Variants in DNAH9 observed in about 807,000 individuals in gnomAD.
DNAH9 encodes the protein DNAH9 variant protein.
DNAH9 carries 345 observed loss-of-function variants against 471.6 expected under a neutral mutation model. The ratio of observed to expected loss-of-function variants is 0.73; its 90% CI spans 0.67 to 0.80. DNAH9 has a LOEUF of 0.80. DNAH9 is among the 30% of genes least tolerant of loss of function. The pLI, the probability that DNAH9 is intolerant of heterozygous loss-of-function variation, is 0.00. For synonymous variants in DNAH9, 2,093 were observed against 2,123.6 expected (o/e 0.99, Z 0.40); for missense variants, 5,407 against 5,609.2 (o/e 0.96, Z 1.15).
chr17:11,828,250 GA>G (rs1408977234), intron 48 of DNAH9, among the ~76,000 whole-genome samples: 1 of 151,918 alleles, frequency 6.6e-6, no homozygotes, highest in East Asian at 2.0e-4. Flanking sequence ...GAGGCGGGTG[GA>G]TCACCTGAGG....
chr17:11,620,747 G>A (rs1466282607), intron 6 of DNAH9, among the ~76,000 whole-genome samples: 1 of 151,996 alleles, frequency 6.6e-6, no homozygotes, highest in East Asian at 1.9e-4. Flanking sequence ...ACCTTGGCTG[G>A]GCTATAACCA....
At chr17:11,942,896 C>CTTTTTTTTT (rs71142257) in intron 67 of DNAH9, among the ~76,000 whole-genome samples, 1 of 127,914 alleles carries the variant, frequency 7.8e-6, no homozygotes, top group African/African-American at 3.0e-5. Flanking sequence ...CTTGTTTTTT[C>CTTTTTTTTT]TTTTTTTTTT....
intron 45 of DNAH9, 98 bp downstream of exon 45, chr17:11,810,467 C>T: frequency 2.1e-6 from 3 of 1,463,382 alleles, no homozygotes; most frequent in Non-Finnish European, 2.7e-6. Flanking sequence ...AGAGTAAGGT[C>T]ATAGTAATGA....
At chr17:11,664,632 AT>A (rs1363477661) in intron 14 of DNAH9, among the ~76,000 whole-genome samples, 200 bp from the exon 15 acceptor site, 2 of 152,156 alleles carry the variant, frequency 1.3e-5, no homozygotes, top group Admixed American at 6.5e-5. Flanking sequence ...TGTCCCCTAT[AT>A]TACCGTCATG....
intron 43 of DNAH9, among the ~76,000 whole-genome samples, chr17:11,799,700 C>T (rs1455530760): frequency 6.6e-6 from 1 of 152,222 alleles, no homozygotes; most frequent in East Asian, 1.9e-4. Flanking sequence ...CATTCTGCCT[C>T]AGCCTCTGAA....
chr17:11,967,200 G>A (rs1362138478), intron 68 of DNAH9, among the ~76,000 whole-genome samples: 1 of 151,796 alleles, frequency 6.6e-6, no homozygotes, highest in Non-Finnish European at 1.5e-5. Context: ...TCAACTTCCT[G>A]GGCTCAAGCA....
rs112537559 is a variant in DNAH9, at chr17:11,609,853, G to A, written c.615-543G>A. 4.9e-3 allele frequency among the ~76,000 whole-genome samples: 741 copies of A among 152,332 alleles called. 8 individuals carry two copies. Among genetic ancestry groups the A allele is most frequent in the African/African-American group, 0.017 (697 of 41,572 alleles). On this transcript the variant is annotated intron_variant, in intron 2 of 68. Transcript: ENST00000262442. The stretch of plus-strand genomic sequence containing the variant: ...TCAGGTGGCTGATTATTAGCCTTGT[G>A]AAGGAGGAAATAAACTATTTCCTCT...
At chr17:11,715,295 C>T (rs149533089) in intron 26 of DNAH9, among the ~76,000 whole-genome samples, 16 of 152,306 alleles carry the variant, frequency 1.1e-4, no homozygotes, top group Admixed American at 1.0e-3. Flanking sequence ...TATCTTGTCT[C>T]ATAGTATCCT....
chr17:11,627,379 A>G (rs1010717492), intron 6 of DNAH9, among the ~76,000 whole-genome samples: 1 of 152,202 alleles, frequency 6.6e-6, no homozygotes, highest in African/African-American at 2.4e-5. Context: ...TTCTGATGTA[A>G]TCAAACATAT....
At chr17:11,692,863 TTAAG>T (rs1008963897) in intron 20 of DNAH9, among the ~76,000 whole-genome samples, 3 of 152,208 alleles carry the variant, frequency 2.0e-5, no homozygotes, top group African/African-American at 7.2e-5. Flanking sequence ...GAAAATATAC[TTAAG>T]TATTTTATTT....
At chr17:11,859,604 G>A (rs951408850) in intron 50 of DNAH9, among the ~76,000 whole-genome samples, 1 of 152,036 alleles carries the variant, frequency 6.6e-6, no homozygotes, top group South Asian at 2.1e-4. Context: ...GAGTTTAATC[G>A]GCTCACAGTT....
intron 38 of DNAH9, among the ~76,000 whole-genome samples, chr17:11,779,013 AAAG>A (rs1344414141): frequency 2.0e-5 from 3 of 152,148 alleles, no homozygotes; most frequent in Non-Finnish European, 4.4e-5. Flanking sequence ...TCTCAAAAAA[AAAG>A]AAGAAAATTA....
At chr17:11,753,397 T>C (rs945805498) in intron 33 of DNAH9, among the ~76,000 whole-genome samples, 2 of 152,126 alleles carry the variant, frequency 1.3e-5, no homozygotes, top group African/African-American at 2.4e-5. Flanking sequence ...TTATAAACAA[T>C]GAAACCTCTG....
chr17:11,830,257 G>A lies in DNAH9; in HGVS notation c.9247-4381G>A, dbSNP rs544633910. On this transcript the variant is annotated intron_variant, in intron 48 of 68. Coordinates refer to ENST00000262442, the MANE Select transcript of DNAH9 (RefSeq NM_001372.4). ...CTGAGTTAGGTTTCACTTGTCCCTC[G>A]TTGGCACTGCTCACATGCCACTGTC... is the stretch of plus-strand genomic sequence containing the variant. 2.5e-4 allele frequency among the ~76,000 whole-genome samples: 38 copies of A among 152,216 alleles called. No homozygotes were observed. The South Asian group carries it at 6.6e-3, about 27-fold the overall frequency.
chr17:11,854,510 G>C, intron 50 of DNAH9, 82 bp downstream of exon 50: 3 of 1,438,590 alleles, frequency 2.1e-6, no homozygotes, highest in Middle Eastern at 2.5e-4. Context: ...AACACCTAAC[G>C]TTACGGTTTT....
chr17:11,665,308 T>A (rs1028985880), intron 15 of DNAH9, among the ~76,000 whole-genome samples: 4 of 152,220 alleles, frequency 2.6e-5, no homozygotes, highest in Non-Finnish European at 4.4e-5. Context: ...GCAGAAGGCT[T>A]CATCCAAGCT....
At chr17:11,765,764 G>A (rs894431255) in intron 36 of DNAH9, among the ~76,000 whole-genome samples, 1 of 152,234 alleles carries the variant, frequency 6.6e-6, no homozygotes, top group Non-Finnish European at 1.5e-5. Flanking sequence ...AGGAGGCAAA[G>A]ATTTCAGCAG....
At position 11,834,347 on chromosome 17, in the gene DNAH9, A is replaced by AAAAG. The variant is rs1555605967; in HGVS notation, c.9247-289_9247-288insAGAA. 9.1e-3 allele frequency among the ~76,000 whole-genome samples: 1,345 copies of AAAAG among 148,560 alleles called. 40 individuals are homozygous for AAAAG. In the East Asian group the frequency reaches 0.096, roughly 11 times the overall value. Reference sequence around the variant, plus strand: ...CCGTCTCAAAAAAAAAAAAAAAAAAAAAGAAGAAGAAGAAATAAAAAAGAA... The same window carrying AAAAG: ...CCGTCTCAAAAAAAAAAAAAAAAAAAAAAGAAGAAGAAGAAGAAATAAAAAAGAA... On this transcript the variant is annotated intron_variant, in intron 48 of 68. Transcript: ENST00000262442.
At chr17:11,854,795 A>G (rs1440568928) in intron 50 of DNAH9, among the ~76,000 whole-genome samples, 1 of 152,128 alleles carries the variant, frequency 6.6e-6, no homozygotes, top group Admixed American at 6.6e-5. Flanking sequence ...TGCCTGTCTC[A>G]CTTTCAGTAG....
Sources: allele counts gnomAD v4.1 joint callset (sites outside exome capture counted in the v4.1 genomes callset), GRCh38; gene constraint gnomAD v4.1.1; transcripts MANE v1.5; gene names NCBI Gene and HGNC (gene_info 2026-07-23, HGNC 2026-07-21).